The following GRM3 variants were observed in gnomAD, a reference collection of about 807,000 sequenced individuals.
GRM3 encodes the protein metabotropic glutamate receptor 3.
In GRM3, 26 loss-of-function variants were observed where a neutral mutation model predicts 70.5. The ratio of observed to expected loss-of-function variants is 0.37; its 90% CI spans 0.27 to 0.51. The LOEUF (loss-of-function observed/expected upper bound fraction) is 0.51. GRM3 is among the 20% of genes least tolerant of loss of function. The pLI, the probability that GRM3 is intolerant of heterozygous loss-of-function variation, is 0.93. For synonymous variants in GRM3, 443 were observed against 434.9 expected (o/e 1.02, Z -0.23); for missense variants, 859 against 1,123.8 (o/e 0.76, Z 3.37).
At chr7:86,771,375 A>G (rs759015557) in intron 2 of GRM3, among the ~76,000 whole-genome samples, 1 of 152,160 alleles carries the variant, frequency 6.6e-6, no homozygotes, top group Non-Finnish European at 1.5e-5. Flanking sequence ...TTGAAGCAGT[A>G]GTCCAGTCAA....
intron 1 of GRM3, among the ~76,000 whole-genome samples, chr7:86,757,836 A>C (rs1796385279): frequency 6.6e-6 from 1 of 151,902 alleles, no homozygotes. Context: ...TTTTGTAGTT[A>C]TTTTCAGCAG....
intron 3 of GRM3, among the ~76,000 whole-genome samples, chr7:86,819,510 T>G (rs549402955): frequency 6.6e-6 from 1 of 152,078 alleles, no homozygotes; most frequent in South Asian, 2.1e-4. Context: ...TGAAGAAAGG[T>G]ACTGAAAACT....
At chr7:86,726,875 G>A (rs1279546194) in intron 1 of GRM3, among the ~76,000 whole-genome samples, 1 of 152,150 alleles carries the variant, frequency 6.6e-6, no homozygotes, top group Non-Finnish European at 1.5e-5. Context: ...CTATCTGTCA[G>A]GAGAGGTCTC....
At chr7:86,749,566 A>C (rs1187828891) in intron 1 of GRM3, among the ~76,000 whole-genome samples, 7 of 152,086 alleles carry the variant, frequency 4.6e-5, no homozygotes, top group Admixed American at 4.6e-4. Context: ...CCAGATGTGG[A>C]AACAAATTCA....
chr7:86,801,259 C>T (rs912912502), intron 3 of GRM3, among the ~76,000 whole-genome samples: 6 of 151,764 alleles, frequency 4.0e-5, no homozygotes, highest in African/African-American at 1.5e-4. Flanking sequence ...TTAGTCGAGA[C>T]GGGGTTTCAC....
At chr7:86,849,422 T>A (rs930134205) in intron 4 of GRM3, among the ~76,000 whole-genome samples, 2 of 148,656 alleles carry the variant, frequency 1.3e-5, no homozygotes, top group Non-Finnish European at 3.0e-5. Flanking sequence ...CAGGGCAGGC[T>A]GAATTTTTTT....
intron 1 of GRM3, among the ~76,000 whole-genome samples, chr7:86,699,893 G>T (rs1794911132): frequency 6.6e-6 from 1 of 151,926 alleles, no homozygotes; most frequent in Non-Finnish European, 1.5e-5. Flanking sequence ...AGAAAAACTT[G>T]ACCTGCATCC....
At chr7:86,744,324 G>A (rs932519373) in intron 1 of GRM3, among the ~76,000 whole-genome samples, 22 of 151,730 alleles carry the variant, frequency 1.4e-4, no homozygotes, top group East Asian at 9.8e-4. Flanking sequence ...ACAGCCCTCC[G>A]CAATTATCTT....
intron 1 of GRM3, among the ~76,000 whole-genome samples, chr7:86,686,385 C>T (rs11984043): frequency 0.033 from 5,084 of 152,258 alleles, 281 homozygotes; most frequent in African/African-American, 0.12. Context: ...AACCCTAAAA[C>T]ATGGTTCCAA....
At chr7:86,698,965 A>G (rs1794890857) in intron 1 of GRM3, among the ~76,000 whole-genome samples, 1 of 152,044 alleles carries the variant, frequency 6.6e-6, no homozygotes, top group African/African-American at 2.4e-5. Context: ...TATTGATGCT[A>G]TACTCCAGAG....
At chr7:86,742,338 A>T (rs1254592163) in intron 1 of GRM3, among the ~76,000 whole-genome samples, 1 of 152,150 alleles carries the variant, frequency 6.6e-6, no homozygotes, top group Non-Finnish European at 1.5e-5. Flanking sequence ...TGAGGAAATC[A>T]AAAGTCCTGT....
At chr7:86,742,291 T>C (rs1257657747) in intron 1 of GRM3, among the ~76,000 whole-genome samples, 3 of 152,172 alleles carry the variant, frequency 2.0e-5, no homozygotes, top group Non-Finnish European at 4.4e-5. Flanking sequence ...GGGTCACTAG[T>C]TCACATTCAG....
chr7:86,752,370 A>G (rs905923976), intron 1 of GRM3, among the ~76,000 whole-genome samples: 1 of 152,158 alleles, frequency 6.6e-6, no homozygotes, highest in Non-Finnish European at 1.5e-5. Flanking sequence ...TGAGTATAAT[A>G]CAAAGAAAGG....
At chr7:86,855,487 C>T (rs1412805475) in intron 5 of GRM3, among the ~76,000 whole-genome samples, 1 of 152,110 alleles carries the variant, frequency 6.6e-6, no homozygotes, top group African/African-American at 2.4e-5. Flanking sequence ...AGCCAAGAAA[C>T]TTCGACTACC....
intron 1 of GRM3, among the ~76,000 whole-genome samples, chr7:86,741,441 G>A (rs576851714): frequency 6.6e-6 from 1 of 152,260 alleles, no homozygotes; most frequent in African/African-American, 2.4e-5. Flanking sequence ...AGAGATAAAT[G>A]GGCTATAGAG....
chr7:86,734,412 A>G lies in GRM3; in HGVS notation c.-140-30594A>G, dbSNP rs867091797. ...CTTATTAGCAATTCTGCCATTTGAA[A>G]CTATAGGTTAAAATGAAATTTGGAG... On this transcript the variant is annotated intron_variant, in intron 1 of 5. Coordinates refer to ENST00000361669, the MANE Select transcript of GRM3 (RefSeq NM_000840.3). Among the ~76,000 whole-genome samples the G allele has an allele frequency of 1.1e-4, 16 of 152,258 alleles. No homozygotes were observed. The Middle Eastern group carries it at 0.017, about 162-fold the overall frequency.
chr7:86,760,488 C>T (rs1796452131), intron 1 of GRM3, among the ~76,000 whole-genome samples: 1 of 152,024 alleles, frequency 6.6e-6, no homozygotes, highest in South Asian at 2.1e-4. Context: ...ATGAATGTGG[C>T]TGCAGTAGGG....
At chr7:86,690,902 T>A (rs1794681632) in intron 1 of GRM3, among the ~76,000 whole-genome samples, 1 of 152,176 alleles carries the variant, frequency 6.6e-6, no homozygotes, top group Admixed American at 6.6e-5. Flanking sequence ...TTATAGATAT[T>A]TGTTATGTTT....
At chr7:86,740,192 G>T (rs77272354) in intron 1 of GRM3, among the ~76,000 whole-genome samples, 1 of 152,110 alleles carries the variant, frequency 6.6e-6, no homozygotes. Context: ...GAAAAAAAAA[G>T]TTCCATTTGT....
Sources: gnomAD v4.1 joint callset for allele counts (sites outside exome capture counted in the v4.1 genomes callset) on GRCh38, gnomAD v4.1.1 for gene constraint, MANE v1.5 for transcripts, NCBI Gene and HGNC (gene_info 2026-07-23, HGNC 2026-07-21) for gene names.